Variants in EED observed in about 807,000 individuals in gnomAD.
EED encodes embryonic ectoderm development, also known as polycomb protein EED.
A neutral mutation model predicts 61.0 loss-of-function variants in EED; 9 were observed. That is an observed-to-expected ratio of 0.15 (90% confidence interval 0.09 to 0.26). The LOEUF is 0.26. Ranked by LOEUF, EED falls within the 10% of genes least tolerant of loss-of-function variation. EED has a pLI of 1.00. For synonymous variants in EED, 187 were observed against 174.4 expected, an observed-to-expected ratio of 1.07 and a Z score of -0.57; for missense variants, 315 against 542.3, an observed-to-expected ratio of 0.58 and a Z score of 4.16.
At chr11:86,263,378 C>T (rs983203020) in intron 6 of EED, among the ~76,000 whole-genome samples, 2 of 152,160 alleles carry the variant, frequency 1.3e-5, no homozygotes, top group African/African-American at 4.8e-5. Context: ...CTCCTCGTTA[C>T]CCAGTTCCAA....
At chr11:86,249,751 C>T (rs530840569) in intron 1 of EED, among the ~76,000 whole-genome samples, 6 of 152,204 alleles carry the variant, frequency 3.9e-5, no homozygotes, top group Admixed American at 3.9e-4. Context: ...AAATGTTTTG[C>T]GTTATAAGCA....
At chr11:86,251,838 T>A (rs1945538992) in intron 2 of EED, among the ~76,000 whole-genome samples, 1 of 152,224 alleles carries the variant, frequency 6.6e-6, no homozygotes, top group African/African-American at 2.4e-5. Context: ...TCCAGTTTAT[T>A]GTGATTCAGA....
chr11:86,246,821 C>T (rs1419268002), intron 1 of EED, among the ~76,000 whole-genome samples: 1 of 152,120 alleles, frequency 6.6e-6, no homozygotes, highest in Non-Finnish European at 1.5e-5. Context: ...AGCTTGACCT[C>T]GAGCAAGAGA....
In EED at chr11:86,249,961, A is replaced by G. The variant is rs570459165; in HGVS notation, c.115-335A>G. On this transcript the variant is annotated intron_variant, in intron 1 of 11. Transcript: ENST00000263360. ...AAGAGACCAGTTAGGCTTTTTCAGC[A>G]CTTCCAGTACCTTTTGTAAAGAGCT... is the stretch of plus-strand genomic sequence containing the variant. Among the ~76,000 whole-genome samples, 22 of 152,334 alleles carry G rather than the reference A, an allele frequency of 1.4e-4. 1 individual carries two copies. The South Asian group carries it at 3.9e-3, about 27-fold the overall frequency.
chr11:86,277,178 T>G lies in EED; in HGVS notation c.1125+40T>G, dbSNP rs751003434. On this transcript the variant is annotated intron_variant, in intron 10 of 11. Transcript: ENST00000263360. ...TTACATTTTGAAATGATCTGACTTA[T>G]GAAAGACCATTGTAATTCTAGCTTT... The G allele has an allele frequency of 8.0e-6, 12 of 1,498,418 alleles. No individual in the cohort carries two copies. The Admixed American group carries it at 1.9e-4, about 23-fold the overall frequency. 92.8% of individuals were successfully genotyped at this position (1,498,418 alleles called of 1,614,324 possible).
chr11:86,246,769 A>C (rs906744791), intron 1 of EED, among the ~76,000 whole-genome samples: 2 of 152,212 alleles, frequency 1.3e-5, no homozygotes, highest in South Asian at 4.1e-4. Context: ...TTAAGAGCAC[A>C]GATGCTGGAT....
Position 86,258,673 on chromosome 11 carries a change from A to G in EED, c.634+1077A>G, listed in dbSNP as rs139347143. Among the ~76,000 whole-genome samples, 269 of 150,212 alleles carry G rather than the reference A, an allele frequency of 1.8e-3. 1 individual carries two copies. Among genetic ancestry groups the G allele is most frequent in the African/African-American group, 6.5e-3 (263 of 40,752 alleles). On this transcript the variant is annotated intron_variant, in intron 6 of 11. Transcript: ENST00000263360. ...CGGGTTTAAGAGATTCTCCTGCCTC[A>G]GCCTCTCGAGTAGCTGGGATTACAG...
chr11:86,282,242 T>C (rs989765808), downstream of EED, among the ~76,000 whole-genome samples: 2 of 152,204 alleles, frequency 1.3e-5, no homozygotes, highest in African/African-American at 4.8e-5. Flanking sequence ...TATTTAGAAG[T>C]ATAAAGAAAA....
intron 6 of EED, among the ~76,000 whole-genome samples, chr11:86,263,529 A>G (rs935020850): frequency 2.6e-5 from 4 of 152,066 alleles, no homozygotes; most frequent in African/African-American, 9.7e-5. Flanking sequence ...TTTCTTTTCT[A>G]TTGCTCAGGC....
At chr11:86,287,399 G>C in the EED span, among the ~76,000 whole-genome samples, 1 of 152,184 alleles carries the variant, frequency 6.6e-6, no homozygotes. Flanking sequence ...TGAGCTGGTG[G>C]ATTTCTACAA....
intron 6 of EED, among the ~76,000 whole-genome samples, chr11:86,259,661 AAGAC>A (rs1318441319): frequency 2.0e-5 from 3 of 152,370 alleles, no homozygotes; most frequent in African/African-American, 7.2e-5. Context: ...CAACAATAAA[AAGAC>A]AGCCCAATTT....
intron 8 of EED, 128 bp downstream of exon 8, chr11:86,266,344 A>C: frequency 5.2e-6 from 4 of 775,994 alleles, no homozygotes; most frequent in Non-Finnish European, 7.7e-6. Flanking sequence ...TTTAAGGGAC[A>C]ATTTACATAC....
rs2138188959 is a variant in EED at position 86,263,657 on chromosome 11, AAGCATG to A, written c.635-511_635-506del. ...TGGCCTTCTGAAGTGCTGGGGTTAC[AAGCATG>A]AGCCACCGTACCTGACTGGGTGATT... On this transcript the variant is annotated intron_variant, in intron 6 of 11. Transcript: ENST00000263360. Among the ~76,000 whole-genome samples, 2 of 152,320 alleles carry A rather than the reference AAGCATG, an allele frequency of 1.3e-5. 1 individual carries two copies. The highest frequency in any genetic ancestry group is 4.1e-4 in the South Asian group (2 of 4,820).
intron 6 of EED, among the ~76,000 whole-genome samples, chr11:86,258,535 T>TC (rs1207685640): frequency 6.6e-6 from 1 of 151,352 alleles, no homozygotes; most frequent in Admixed American, 6.6e-5. Context: ...ACTTTTTTTT[T>TC]CTCTTTTCTT....
At chr11:86,275,247 G>GA (rs1287504339) in intron 9 of EED, among the ~76,000 whole-genome samples, 1 of 152,160 alleles carries the variant, frequency 6.6e-6, no homozygotes, top group East Asian at 1.9e-4. Flanking sequence ...GGACTTACAG[G>GA]AAAAAACACA....
Position 86,244,946 on chromosome 11 carries a change from A to G in EED, c.-284A>G. On this transcript the variant is annotated 5_prime_UTR_variant, in exon 1 of 12. Coordinates refer to ENST00000263360, the MANE Select transcript of EED (RefSeq NM_003797.5). ...ATCCAACGGACCTTACATCGTGTAG[A>G]CTGCCGGGAGGGCGGCGGGAAAAGG... The G allele has an allele frequency of 2.6e-6, 1 of 392,082 alleles. No homozygotes were observed. Among genetic ancestry groups the G allele is most frequent in the South Asian group, 3.4e-5 (1 of 29,440 alleles). 24.3% of individuals were successfully genotyped at this position (392,082 alleles called of 1,614,324 possible).
the EED span, among the ~76,000 whole-genome samples, chr11:86,286,971 C>CAAAAAAAAAAAA: frequency 5.9e-5 from 4 of 68,344 alleles, no homozygotes; most frequent in Admixed American, 1.9e-4. Context: ...GACTCCGTCT[C>CAAAAAAAAAAAA]AAAAAAAAAA....
intron 4 of EED, among the ~76,000 whole-genome samples, chr11:86,255,512 T>G (rs1765869288): frequency 6.6e-6 from 1 of 152,084 alleles, no homozygotes; most frequent in Admixed American, 6.6e-5. Flanking sequence ...AAGAATCCAT[T>G]GTGGGATGGA....
chr11:86,274,651 T>C (rs1181195524), intron 9 of EED, among the ~76,000 whole-genome samples: 1 of 152,186 alleles, frequency 6.6e-6, no homozygotes, highest in African/African-American at 2.4e-5. Flanking sequence ...CCTCAGCTGA[T>C]ACCACCCTAG....
Sources: gnomAD v4.1 joint callset for allele counts (sites outside exome capture counted in the v4.1 genomes callset) on GRCh38, gnomAD v4.1.1 for gene constraint, MANE v1.5 for transcripts, NCBI Gene and HGNC (gene_info 2026-07-23, HGNC 2026-07-21) for gene names.